TRAPPC12: variants seen among roughly 807,000 people sequenced by gnomAD.
TRAPPC12 encodes trafficking protein particle complex subunit 12, also known as TPR repeat protein 15.
TRAPPC12 carries 61 observed loss-of-function variants against 69.2 expected under a neutral mutation model. The ratio of observed to expected loss-of-function variants is 0.88; its 90% confidence interval spans 0.72 to 1.09. The LOEUF (loss-of-function observed/expected upper bound fraction) is 1.09. TRAPPC12 is among the 50% of genes least tolerant of loss of function. The pLI is 0.00. For synonymous variants in TRAPPC12, 469 were observed against 438.9 expected (o/e 1.07, Z -0.86); for missense variants, 1,101 against 1,016.4 (o/e 1.08, Z -1.13).
At chr2:3,448,770 C>T (rs1054618216) in intron 6 of TRAPPC12, among the ~76,000 whole-genome samples, 3 of 143,698 alleles carry the variant, frequency 2.1e-5, no homozygotes, top group African/African-American at 7.9e-5. Flanking sequence ...TACGCGGTTA[C>T]ACGAGGGCGG....
intron 5 of TRAPPC12, among the ~76,000 whole-genome samples, chr2:3,439,227 A>G (rs999228400): frequency 6.6e-6 from 1 of 152,168 alleles, no homozygotes; most frequent in African/African-American, 2.4e-5. Flanking sequence ...TATGCTTGTT[A>G]TTGATAAATC....
chr2:3,452,241 T>C (rs750586965), intron 6 of TRAPPC12, among the ~76,000 whole-genome samples: 2 of 152,170 alleles, frequency 1.3e-5, no homozygotes, highest in African/African-American at 2.4e-5. Context: ...GTAGGGCTTC[T>C]TGTGCGTCTC....
At position 3,479,534 on chromosome 2, in the gene TRAPPC12, A is replaced by G. The variant is rs112725469; in HGVS notation, c.*73A>G. 2.5e-5 allele frequency: 38 copies of G among 1,547,420 alleles called. No homozygotes were observed. The African/African-American group carries it at 4.8e-4, about 19-fold the overall frequency. ...GTCTTGAAGCTAATGTATTAATGTG[A>G]CATGGAGGAACTCAATAAAACTCCT... On this transcript the variant is annotated 3_prime_UTR_variant, in exon 12 of 12. Coordinates refer to ENST00000324266, the MANE Select transcript of TRAPPC12 (RefSeq NM_016030.6).
intron 1 of TRAPPC12, 134 bp from the exon 2 acceptor site, chr2:3,387,486 A>G (rs1474260555): frequency 6.5e-6 from 5 of 764,342 alleles, no homozygotes; most frequent in East Asian, 2.8e-5. Context: ...GTATTTTACC[A>G]TAATCAAAAG....
intron 8 of TRAPPC12, chr2:3,462,882 C>A: frequency 2.1e-6 from 1 of 470,846 alleles, no homozygotes; most frequent in South Asian, 1.5e-5. Flanking sequence ...CATCAGAACC[C>A]GCCGTGGCTC....
Position 3,388,543 on chromosome 2 carries a change from A to G in TRAPPC12, c.920A>G (p.Asn307Ser), listed in dbSNP as rs769183401. The G allele has an allele frequency of 1.9e-6, 3 of 1,613,068 alleles. No individual in the cohort carries two copies. The highest frequency in any genetic ancestry group is 2.5e-6 in the Non-Finnish European group (3 of 1,179,730). The part of the protein sequence containing the change: ...ALSMSEMDRR[N>S]DAWLPGEATR... ...AGCATGAGCGAGATGGACCGGAGGAACGACGCCTGGCTTCCCGGCGAGGCT... is the reference window on the plus strand; with the variant it reads ...AGCATGAGCGAGATGGACCGGAGGAGCGACGCCTGGCTTCCCGGCGAGGCT... Residue 307 changes from asparagine (N) to serine (S), a missense_variant, in exon 2 of 12, where the codon AAC (asparagine) becomes AGC (serine). Transcript: ENST00000324266.
chr2:3,405,811 A>G (rs1661698676), intron 3 of TRAPPC12, among the ~76,000 whole-genome samples: 1 of 152,234 alleles, frequency 6.6e-6, no homozygotes, highest in Non-Finnish European at 1.5e-5. Flanking sequence ...TCACAAATTT[A>G]TTGTAACTCT....
At chr2:3,386,559 A>G (rs1015799113) in intron 1 of TRAPPC12, among the ~76,000 whole-genome samples, 1 of 152,196 alleles carries the variant, frequency 6.6e-6, no homozygotes, top group Non-Finnish European at 1.5e-5. Flanking sequence ...GGGGCATAGT[A>G]TGTGCGGATA....
chr2:3,422,577 C>T (rs1013128990), intron 4 of TRAPPC12, among the ~76,000 whole-genome samples: 11 of 152,190 alleles, frequency 7.2e-5, no homozygotes, highest in Non-Finnish European at 7.3e-5. Flanking sequence ...GGGAATCCCC[C>T]GGGACTAAAC....
At chr2:3,433,979 A>G (rs1283973777) in intron 5 of TRAPPC12, among the ~76,000 whole-genome samples, 1 of 152,114 alleles carries the variant, frequency 6.6e-6, no homozygotes, top group African/African-American at 2.4e-5. Flanking sequence ...TCGCTTGACA[A>G]CCACCCTCAG....
chr2:3,386,495 C>T (rs1024985390), intron 1 of TRAPPC12, among the ~76,000 whole-genome samples: 3 of 152,140 alleles, frequency 2.0e-5, no homozygotes, highest in East Asian at 1.9e-4. Flanking sequence ...ACAGTGATAG[C>T]AGCTGTCTCG....
intron 3 of TRAPPC12, among the ~76,000 whole-genome samples, chr2:3,409,741 C>CTTTTTTTTTTTTTTTTTTTT (rs1558358525): frequency 3.9e-5 from 2 of 51,752 alleles, no homozygotes; most frequent in Non-Finnish European, 7.3e-5. Context: ...CAAAGCAAGA[C>CTTTTTTTTTTTTTTTTTTTT]TTTGTCTTTA....
At position 3,479,396 on chromosome 2, in the gene TRAPPC12, C is replaced by G. The variant is rs1472485943; in HGVS notation, c.2143C>G (p.Leu715Val). ...SSRSMQKKQA[L>V]LEAVAGKEGD... ...ACGGAGCATGCAGAAGAAACAGGCC[C>G]TGCTGGAGGCTGTCGCCGGCAAGGA... The change falls in exon 12 of 12, where the codon CTG becomes GTG. Residue 715 changes from leucine (L) to valine (V), a missense_variant. Physicochemically the swap from Leu to Val is conservative, Grantham distance 32. Transcript: ENST00000324266. 6.2e-7 allele frequency: 1 copy of G among 1,614,056 alleles called. No individual in the cohort carries two copies. The highest frequency in any genetic ancestry group is 2.2e-5 in the East Asian group (1 of 44,900).
intron 2 of TRAPPC12, among the ~76,000 whole-genome samples, chr2:3,393,581 A>G (rs1469949849): frequency 1.3e-5 from 2 of 152,148 alleles, no homozygotes; most frequent in Non-Finnish European, 2.9e-5. Flanking sequence ...TCAGTACACA[A>G]TGTCTATTTA....
Position 3,429,472 on chromosome 2 carries a change from G to A in TRAPPC12, c.1417+4809G>A, listed in dbSNP as rs116836938. 4.1e-3 allele frequency among the ~76,000 whole-genome samples: 617 copies of A among 152,334 alleles called. 1 individual carries two copies. The highest frequency in any genetic ancestry group is 6.9e-3 in the Non-Finnish European group (466 of 68,022). On this transcript the variant is annotated intron_variant, in intron 5 of 11. Transcript: ENST00000324266. Reference sequence around the variant, plus strand: ...ATGCATCTCCAGGGACAGAAAAAAAGATAAGTATATCTTAAATTTGCCTTT... The same window carrying A: ...ATGCATCTCCAGGGACAGAAAAAAAAATAAGTATATCTTAAATTTGCCTTT...
At chr2:3,439,458 A>G (rs534326226) in intron 5 of TRAPPC12, among the ~76,000 whole-genome samples, 54 of 152,122 alleles carry the variant, frequency 3.5e-4, no homozygotes, top group African/African-American at 1.3e-3. Flanking sequence ...TAGTTTTTGT[A>G]TTTTTTGTAG....
intron 5 of TRAPPC12, among the ~76,000 whole-genome samples, chr2:3,425,201 G>A (rs2103061925): frequency 6.6e-6 from 1 of 152,354 alleles, no homozygotes; most frequent in East Asian, 1.9e-4. Context: ...GAAACCACCA[G>A]TTGGGAAGGG....
At position 3,461,118 on chromosome 2, in the gene TRAPPC12, C is replaced by T. The variant is rs956682091; in HGVS notation, c.1677+782C>T. Reference sequence around the variant, plus strand: ...GGCTTTCATGGGGCCAAGGTCATTCCTGAGCTTGATTTTCAGCAAGGCAGA... The same window carrying T: ...GGCTTTCATGGGGCCAAGGTCATTCTTGAGCTTGATTTTCAGCAAGGCAGA... On this transcript the variant is annotated intron_variant, in intron 8 of 11. Coordinates refer to ENST00000324266, the MANE Select transcript of TRAPPC12 (RefSeq NM_016030.6). 2.0e-5 allele frequency among the ~76,000 whole-genome samples: 3 copies of T among 152,246 alleles called. 1 individual carries two copies. Among genetic ancestry groups the T allele is most frequent in the Admixed American group, 1.3e-4 (2 of 15,292 alleles).
intron 3 of TRAPPC12, among the ~76,000 whole-genome samples, chr2:3,410,824 G>A (rs12465445): frequency 0.17 from 25,634 of 152,178 alleles, 2,475 homozygotes; most frequent in Non-Finnish European, 0.22. Context: ...GAGGTCAAGA[G>A]ATCAAGACCA....
Sources: allele counts gnomAD v4.1 joint callset (sites outside exome capture counted in the v4.1 genomes callset), GRCh38; gene constraint gnomAD v4.1.1; transcripts MANE v1.5; gene names NCBI Gene and HGNC (gene_info 2026-07-23, HGNC 2026-07-21).